SGCZ: variants seen among roughly 807,000 people sequenced by gnomAD.
SGCZ encodes the protein sarcoglycan zeta, also known as zeta-sarcoglycan.
Under a neutral mutation model 41.3 loss-of-function variants are expected in SGCZ, and 40 were observed. The observed-to-expected ratio is 0.97, with a 90% CI of 0.75 to 1.26. SGCZ has a LOEUF of 1.26. Among genes scored for constraint, SGCZ ranks in the 50% most tolerant of loss-of-function variants. The pLI is 0.00. For missense variants in SGCZ, 552 were observed against 369.8 expected (o/e 1.49, Z -4.04); for synonymous variants, 206 against 137.5 (o/e 1.50, Z -3.49).
chr8:14,731,667 T>G lies in SGCZ; in HGVS notation c.40-176741A>C, dbSNP rs1585216287. Among the ~76,000 whole-genome samples the G allele has an allele frequency of 3.3e-5, 5 of 152,334 alleles. No homozygotes were observed. In the South Asian group the frequency reaches 1.0e-3, roughly 32 times the overall value. ...TGTGTATGCCTCCTCCTACCTTTTC[T>G]TCTCCAGCATTCCATTTCATTGTAC... On this transcript the variant is annotated intron_variant, in intron 1 of 7. Coordinates refer to ENST00000382080, the MANE Select transcript of SGCZ (RefSeq NM_139167.4).
intron 1 of SGCZ, among the ~76,000 whole-genome samples, chr8:14,935,975 G>A (rs562475491): frequency 6.6e-6 from 1 of 151,922 alleles, no homozygotes; most frequent in South Asian, 2.1e-4. Context: ...TGTACTAATG[G>A]AATAAGGAAG....
chr8:15,222,767 G>A (rs1182976734), intron 1 of SGCZ, among the ~76,000 whole-genome samples: 1 of 152,022 alleles, frequency 6.6e-6, no homozygotes, highest in Non-Finnish European at 1.5e-5. Context: ...GTGTGTGTGT[G>A]TGTCTGTGTG....
intron 1 of SGCZ, among the ~76,000 whole-genome samples, chr8:14,812,207 C>T (rs546121244): frequency 6.6e-6 from 1 of 151,894 alleles, no homozygotes; most frequent in South Asian, 2.1e-4. Context: ...ATTTTTAAAG[C>T]AATTTTTTGG....
intron 1 of SGCZ, among the ~76,000 whole-genome samples, chr8:14,840,891 T>C (rs539346042): frequency 2.0e-5 from 3 of 152,070 alleles, no homozygotes; most frequent in South Asian, 2.1e-4. Context: ...AAATAGCAAC[T>C]CCCATAATAA....
intron 2 of SGCZ, among the ~76,000 whole-genome samples, chr8:14,493,566 C>A (rs901944377): frequency 1.3e-4 from 19 of 151,274 alleles, no homozygotes; most frequent in Admixed American, 2.0e-4. Context: ...TGGGGTTTCA[C>A]CATGTTGGCC....
At chr8:14,204,527 T>C (rs1805558245) in intron 4 of SGCZ, among the ~76,000 whole-genome samples, 1 of 152,136 alleles carries the variant, frequency 6.6e-6, no homozygotes, top group Non-Finnish European at 1.5e-5. Context: ...AGGTGTCAAC[T>C]TGATTAGATG....
chr8:15,204,527 CT>C (rs1801000276), intron 1 of SGCZ, among the ~76,000 whole-genome samples: 1 of 152,150 alleles, frequency 6.6e-6, no homozygotes, highest in African/African-American at 2.4e-5. Context: ...GGGCATTCTG[CT>C]TCACTGGAAA....
chr8:14,735,528 C>T (rs1799002787), intron 1 of SGCZ, among the ~76,000 whole-genome samples: 1 of 152,166 alleles, frequency 6.6e-6, no homozygotes, highest in Non-Finnish European at 1.5e-5. Flanking sequence ...GCTGGGGCCT[C>T]TCAGGCCTTT....
At chr8:14,933,129 G>C (rs935931619) in intron 1 of SGCZ, among the ~76,000 whole-genome samples, 1 of 151,970 alleles carries the variant, frequency 6.6e-6, no homozygotes, top group Non-Finnish European at 1.5e-5. Context: ...AGGTAACATA[G>C]TGTTTGGCTC....
intron 1 of SGCZ, among the ~76,000 whole-genome samples, chr8:15,004,222 G>C (rs1431801021): frequency 6.6e-6 from 1 of 152,130 alleles, no homozygotes; most frequent in Admixed American, 6.5e-5. Flanking sequence ...TAAGAGATAC[G>C]CAGGTGCACC....
intron 1 of SGCZ, among the ~76,000 whole-genome samples, chr8:15,166,046 A>T (rs1427062667): frequency 1.3e-5 from 2 of 152,180 alleles, no homozygotes; most frequent in African/African-American, 4.8e-5. Flanking sequence ...ATTTCATAAT[A>T]TCGAGTGTTT....
At chr8:15,030,484 G>T (rs117831553) in intron 1 of SGCZ, among the ~76,000 whole-genome samples, 15 of 152,162 alleles carry the variant, frequency 9.9e-5, no homozygotes, top group African/African-American at 3.6e-4. Flanking sequence ...GTGAAAATTT[G>T]TGTCTAAAGC....
intron 1 of SGCZ, among the ~76,000 whole-genome samples, chr8:14,927,898 T>C (rs1799805955): frequency 6.6e-6 from 1 of 152,178 alleles, no homozygotes; most frequent in Admixed American, 6.5e-5. Context: ...CGCCATGGAA[T>C]GCAACCAACT....
At chr8:14,183,664 G>A (rs532752782) in intron 4 of SGCZ, among the ~76,000 whole-genome samples, 51 of 152,194 alleles carry the variant, frequency 3.4e-4, no homozygotes, top group Non-Finnish European at 7.1e-4. Flanking sequence ...TGAGAAAAGC[G>A]TTTACCAAGC....
At chr8:14,482,065 G>C (rs1202904767) in intron 2 of SGCZ, among the ~76,000 whole-genome samples, 1 of 152,150 alleles carries the variant, frequency 6.6e-6, no homozygotes, top group African/African-American at 2.4e-5. Flanking sequence ...GACTAAGCGA[G>C]TATCTTAAAT....
chr8:15,024,056 T>C lies in SGCZ; in HGVS notation c.39+213529A>G, dbSNP rs1392591318. On this transcript the variant is annotated intron_variant, in intron 1 of 7. Coordinates refer to ENST00000382080, the MANE Select transcript of SGCZ (RefSeq NM_139167.4). ...ACAAAAGTTAACTTGACTATCACAA[T>C]CATGTTTCTTGAGCATTATAAGACC... Among the ~76,000 whole-genome samples, 3 of 152,202 alleles carry C rather than the reference T, an allele frequency of 2.0e-5. No individual in the cohort carries two copies. In the East Asian group the frequency reaches 5.8e-4, roughly 29 times the overall value.
intron 1 of SGCZ, among the ~76,000 whole-genome samples, chr8:14,795,261 T>A (rs1801086143): frequency 6.6e-6 from 1 of 152,206 alleles, no homozygotes; most frequent in Non-Finnish European, 1.5e-5. Flanking sequence ...TAAATTTTAT[T>A]TAGATGCATA....
At chr8:14,809,845 T>A (rs889192541) in intron 1 of SGCZ, among the ~76,000 whole-genome samples, 98 of 152,222 alleles carry the variant, frequency 6.4e-4, no homozygotes, top group African/African-American at 2.3e-3. Flanking sequence ...TTCTGATGTT[T>A]AAGAACGCAA....
At chr8:14,217,270 T>C (rs934160017) in intron 4 of SGCZ, among the ~76,000 whole-genome samples, 9 of 112,284 alleles carry the variant, frequency 8.0e-5, no homozygotes, top group African/African-American at 3.2e-4. Flanking sequence ...CACTCCAGCC[T>C]GGGGATCAGA....
Sources: gnomAD v4.1 joint callset for allele counts (sites outside exome capture counted in the v4.1 genomes callset) on GRCh38, gnomAD v4.1.1 for gene constraint, MANE v1.5 for transcripts, NCBI Gene and HGNC (gene_info 2026-07-23, HGNC 2026-07-21) for gene names.